PC: variants seen among roughly 807,000 people sequenced by gnomAD.
PC encodes pyruvate carboxylase, mitochondrial.
In PC, 46 loss-of-function variants were observed where a neutral mutation model predicts 107.8. The observed-to-expected ratio is 0.43, with a 90% CI of 0.34 to 0.55. The LOEUF (loss-of-function observed/expected upper bound fraction) is 0.55, where lower values mean the gene tolerates loss of function less well. Ranked by LOEUF, PC falls within the 20% of genes least tolerant of loss-of-function variation. The pLI, the probability that PC is intolerant of heterozygous loss-of-function variation, is 0.04. For synonymous variants in PC, 662 were observed against 684.7 expected, an observed-to-expected ratio of 0.97 and a Z score of 0.52; for missense variants, 1,241 against 1,643.1, an observed-to-expected ratio of 0.76 and a Z score of 4.23.
At chr11:66,956,444 G>A (rs565076167) in intron 1 of PC, among the ~76,000 whole-genome samples, 2 of 152,186 alleles carry the variant, frequency 1.3e-5, no homozygotes, top group Non-Finnish European at 2.9e-5. Flanking sequence ...AAATAGCCAG[G>A]TGTGGTGGCA....
At chr11:66,927,386 A>G (rs1948741570) in intron 3 of PC, among the ~76,000 whole-genome samples, 1 of 150,544 alleles carries the variant, frequency 6.6e-6, no homozygotes, top group Non-Finnish European at 1.5e-5. Flanking sequence ...CAGCCCAGGA[A>G]TGCGCTGGAT....
intron 3 of PC, among the ~76,000 whole-genome samples, chr11:66,917,739 GA>G (rs796433981): frequency 4.6e-5 from 7 of 152,298 alleles, no homozygotes; most frequent in African/African-American, 1.7e-4. Flanking sequence ...AAAGGGTCTG[GA>G]AAACTCCTGG....
intron 10 of PC, among the ~76,000 whole-genome samples, chr11:66,867,614 G>C (rs758392664): frequency 6.6e-6 from 1 of 152,194 alleles, no homozygotes; most frequent in Non-Finnish European, 1.5e-5. Flanking sequence ...GGAGGAGCTC[G>C]AGGGTCAGAG....
intron 3 of PC, among the ~76,000 whole-genome samples, chr11:66,878,331 G>T (rs1301794451): frequency 6.6e-6 from 1 of 152,212 alleles, no homozygotes; most frequent in Non-Finnish European, 1.5e-5. Flanking sequence ...GGGTAAACAG[G>T]TCATTTTTGT....
chr11:66,903,451 A>AT (rs1356738158), intron 3 of PC, among the ~76,000 whole-genome samples: 2 of 151,806 alleles, frequency 1.3e-5, no homozygotes, highest in Non-Finnish European at 2.9e-5. Flanking sequence ...TAAAAAATAT[A>AT]TTTTTTGGCT....
At chr11:66,936,215 T>G (rs1948998606) in intron 3 of PC, among the ~76,000 whole-genome samples, 1 of 150,096 alleles carries the variant, frequency 6.7e-6, no homozygotes, top group Non-Finnish European at 1.5e-5. Context: ...GCCACTGTAC[T>G]CCAGCCTCGT....
At chr11:66,908,529 AAC>A (rs1948235512) in intron 3 of PC, among the ~76,000 whole-genome samples, 2 of 152,192 alleles carry the variant, frequency 1.3e-5, no homozygotes, top group Non-Finnish European at 2.9e-5. Context: ...AAGAAGCCAG[AAC>A]AGAGTTCCCA....
intron 3 of PC, among the ~76,000 whole-genome samples, chr11:66,943,613 T>C (rs1591311710): frequency 6.7e-6 from 1 of 148,874 alleles, no homozygotes; most frequent in East Asian, 2.0e-4. Flanking sequence ...TTGCCGGGCG[T>C]GGTGGCAGGC....
At chr11:66,953,450 C>T (rs181713349) in intron 2 of PC, among the ~76,000 whole-genome samples, 1 of 152,178 alleles carries the variant, frequency 6.6e-6, no homozygotes, top group African/African-American at 2.4e-5. Flanking sequence ...CGTGTTTATG[C>T]CCATGGGAGC....
chr11:66,855,030 T>C (rs1291321433), intron 12 of PC, among the ~76,000 whole-genome samples: 1 of 152,232 alleles, frequency 6.6e-6, no homozygotes, highest in East Asian at 1.9e-4. Flanking sequence ...TGCTCACCTT[T>C]CCAGCAGGCC....
chr11:66,904,597 C>G (rs1362463685), intron 3 of PC, among the ~76,000 whole-genome samples: 1 of 152,240 alleles, frequency 6.6e-6, no homozygotes, highest in East Asian at 1.9e-4. Flanking sequence ...GTGATTGTGC[C>G]ACCACACTCC....
At chr11:66,877,065 T>C (rs963146484) in intron 3 of PC, among the ~76,000 whole-genome samples, 2 of 152,178 alleles carry the variant, frequency 1.3e-5, no homozygotes, top group African/African-American at 4.8e-5. Context: ...GGGAAGCTGT[T>C]TGCAAAACTT....
At chr11:66,876,048 A>G (rs545732720) in intron 3 of PC, among the ~76,000 whole-genome samples, 37 of 152,338 alleles carry the variant, frequency 2.4e-4, no homozygotes, top group African/African-American at 8.7e-4. Flanking sequence ...ACAAAGACGC[A>G]AGAACGGTTT....
In PC at chr11:66,858,252, G is replaced by T. The variant is rs1446463246; in HGVS notation, c.1369-4869C>A. On this transcript the variant is annotated intron_variant, in intron 12 of 22. Coordinates refer to ENST00000393960, the MANE Select transcript of PC (RefSeq NM_001040716.2). The surrounding 1 kb of genome is among the most constrained non-coding windows in gnomAD (Gnocchi z 5.9). ...CTGGGCCGGCATCGGCGCCATGCCT[G>T]CCCTGCACACCCTCAACCTGGACCA... The T allele has an allele frequency of 6.2e-7, 1 of 1,612,474 alleles. No homozygotes were observed. Among genetic ancestry groups the T allele is most frequent in the Admixed American group, 1.7e-5 (1 of 60,032 alleles).
chr11:66,865,119 C>T (rs943569179), intron 11 of PC, among the ~76,000 whole-genome samples: 2 of 152,302 alleles, frequency 1.3e-5, no homozygotes, highest in African/African-American at 4.8e-5. Flanking sequence ...CTGGGGCTGC[C>T]GCCACCTACA....
intron 3 of PC, among the ~76,000 whole-genome samples, chr11:66,922,932 GA>G (rs1218577273): frequency 6.6e-6 from 1 of 152,080 alleles, no homozygotes; most frequent in East Asian, 1.9e-4. Context: ...TGACTCTGAA[GA>G]AAAAAAGCAA....
At chr11:66,948,817 G>A (rs1020717273) in intron 3 of PC, among the ~76,000 whole-genome samples, 2 of 152,052 alleles carry the variant, frequency 1.3e-5, no homozygotes, top group Non-Finnish European at 2.9e-5. Context: ...TCCAGCCTGA[G>A]TGACAGAATC....
chr11:66,871,217 G>A lies in PC; in HGVS notation c.488-20C>T. ...GAACACCTGTTGGGAGAAAGGTGTG[G>A]GGGAGTCTCTGTAACAGGCGGGAAT... On this transcript the variant is annotated intron_variant, in intron 6 of 22. Coordinates refer to ENST00000393960, the MANE Select transcript of PC (RefSeq NM_001040716.2). This position sits in a 1 kb window ranked among gnomAD's most constrained non-coding sequence, Gnocchi z 7.4. The A allele has an allele frequency of 5.0e-6, 8 of 1,613,062 alleles. No homozygotes were observed. Among genetic ancestry groups the A allele is most frequent in the Non-Finnish European group, 6.8e-6 (8 of 1,179,282 alleles).
intron 3 of PC, among the ~76,000 whole-genome samples, chr11:66,897,672 G>A (rs191470212): frequency 3.3e-5 from 5 of 152,226 alleles, no homozygotes; most frequent in African/African-American, 7.2e-5. Context: ...AGCCTTCCCC[G>A]GTTCCCAACC....
Sources: allele counts gnomAD v4.1 joint callset (sites outside exome capture counted in the v4.1 genomes callset), GRCh38; gene constraint gnomAD v4.1.1; non-coding constraint Gnocchi (gnomAD v3.1); transcripts MANE v1.5; gene names NCBI Gene and HGNC (gene_info 2026-07-23, HGNC 2026-07-21).